The following RBFOX1 variants were observed in gnomAD, a reference collection of about 807,000 sequenced individuals.
RBFOX1 encodes RNA binding protein fox-1 homolog 1.
In RBFOX1, 8 loss-of-function variants were observed where a neutral mutation model predicts 57.7. The observed-to-expected ratio is 0.14, with a 90% CI of 0.08 to 0.25. The LOEUF (loss-of-function observed/expected upper bound fraction) is 0.25, where lower values mean the gene tolerates loss of function less well. RBFOX1 is among the 10% of genes least tolerant of loss of function. RBFOX1 has a pLI of 1.00. For missense variants in RBFOX1, 611 were observed against 548.5 expected (o/e 1.11, Z -1.14); for synonymous variants, 326 against 222.4 (o/e 1.47, Z -4.15).
At chr16:5,877,637 AC>A (rs1408847855) in intron 4 of RBFOX1, among the ~76,000 whole-genome samples, 16 of 152,372 alleles carry the variant, frequency 1.1e-4, no homozygotes, top group African/African-American at 3.6e-4. Flanking sequence ...AGCATCAGTT[AC>A]AGTAGCAGCA....
intron 10 of RBFOX1, among the ~76,000 whole-genome samples, chr16:7,625,117 C>T (rs8052518): frequency 0.29 from 44,299 of 151,834 alleles, 9,545 homozygotes; most frequent in African/African-American, 0.61. Flanking sequence ...GTCATTTATG[C>T]AGCCTGCAAA....
intron 2 of RBFOX1, among the ~76,000 whole-genome samples, chr16:6,653,740 G>A (rs1274082412): frequency 1.3e-5 from 2 of 151,814 alleles, no homozygotes; most frequent in Middle Eastern, 6.8e-3. Flanking sequence ...ATGGATAGAT[G>A]GATGGATGGG....
At chr16:7,035,528 C>G (rs527861715) in intron 3 of RBFOX1, among the ~76,000 whole-genome samples, 1 of 152,296 alleles carries the variant, frequency 6.6e-6, no homozygotes, top group African/African-American at 2.4e-5. Flanking sequence ...TATTTTCCCA[C>G]TCAGTTTCTT....
At chr16:5,358,941 C>T (rs2065467588) in intron 1 of RBFOX1, among the ~76,000 whole-genome samples, 1 of 152,152 alleles carries the variant, frequency 6.6e-6, no homozygotes, top group Non-Finnish European at 1.5e-5. Context: ...ATTATTCCTC[C>T]CCACCTCTCC....
chr16:7,360,630 C>T (rs1183916052), intron 4 of RBFOX1, among the ~76,000 whole-genome samples: 8 of 152,172 alleles, frequency 5.3e-5, no homozygotes, highest in Non-Finnish European at 7.3e-5. Flanking sequence ...AGGAATTATC[C>T]CTCCCTATGA....
intron 3 of RBFOX1, among the ~76,000 whole-genome samples, chr16:6,969,083 G>A (rs1411216066): frequency 6.6e-6 from 1 of 152,078 alleles, no homozygotes; most frequent in Non-Finnish European, 1.5e-5. Flanking sequence ...GCACTTACAG[G>A]AGAGACCTTC....
intron 3 of RBFOX1, among the ~76,000 whole-genome samples, chr16:6,999,387 G>A (rs2092589869): frequency 1.3e-5 from 2 of 150,818 alleles, no homozygotes; most frequent in African/African-American, 2.4e-5. Context: ...AGATTCATTG[G>A]TGGACCAGAG....
chr16:5,324,699 C>T (rs1050160656), intron 1 of RBFOX1, among the ~76,000 whole-genome samples: 5 of 152,124 alleles, frequency 3.3e-5, no homozygotes, highest in African/African-American at 1.2e-4. Context: ...AGCAAACTAA[C>T]ACAAGAATAG....
At position 6,210,361 on chromosome 16, in the gene RBFOX1, CAAA is replaced by C. The variant is rs3064933; in HGVS notation, c.-126-106619_-126-106617del. On this transcript the variant is annotated intron_variant, in intron 1 of 15. Transcript: ENST00000550418. ...ACAAAAAAACAAAAAAAAAAAACAC[CAAA>C]AAAAAAAAAAAAAAGAGAAAGGAAG... Among the ~76,000 whole-genome samples the C allele has an allele frequency of 7.8e-3, 482 of 61,452 alleles. 10 individuals carry two copies. The highest frequency in any genetic ancestry group is 0.021 in the African/African-American group (455 of 21,678). 40.3% of individuals were successfully genotyped at this position (61,452 alleles called of 152,430 possible). A position where few individuals can be genotyped will look rare whatever the true frequency, so the allele number is the denominator to read the frequency against.
intron 4 of RBFOX1, among the ~76,000 whole-genome samples, chr16:7,433,860 A>C (rs536387248): frequency 8.5e-5 from 13 of 152,318 alleles, no homozygotes; most frequent in African/African-American, 3.1e-4. Context: ...GAGTAAGCCA[A>C]ATGACAGGGA....
At chr16:6,751,929 G>A (rs549977304) in intron 3 of RBFOX1, among the ~76,000 whole-genome samples, 2 of 152,220 alleles carry the variant, frequency 1.3e-5, no homozygotes, top group East Asian at 1.9e-4. Context: ...GTGAGTCCAG[G>A]CTTTAACAAA....
intron 3 of RBFOX1, among the ~76,000 whole-genome samples, chr16:5,805,223 G>A (rs557098476): frequency 6.6e-6 from 1 of 152,270 alleles, no homozygotes; most frequent in East Asian, 1.9e-4. Flanking sequence ...CCCTGGAATA[G>A]AGCCTGGATT....
intron 3 of RBFOX1, among the ~76,000 whole-genome samples, chr16:6,771,750 A>T (rs1440707526): frequency 6.6e-6 from 1 of 152,170 alleles, no homozygotes; most frequent in Non-Finnish European, 1.5e-5. Context: ...ATGCTGTTTA[A>T]CATCTCACAA....
intron 4 of RBFOX1, among the ~76,000 whole-genome samples, chr16:7,466,439 G>A (rs1395136130): frequency 6.6e-6 from 1 of 152,204 alleles, no homozygotes; most frequent in African/African-American, 2.4e-5. Context: ...TTAAGGATAA[G>A]AAAAGAGGGG....
chr16:6,891,938 A>T (rs963750973), intron 3 of RBFOX1, among the ~76,000 whole-genome samples: 2 of 152,120 alleles, frequency 1.3e-5, no homozygotes, highest in African/African-American at 4.8e-5. Context: ...CGGTTTTCTG[A>T]GAAGGAGCTG....
chr16:6,482,623 A>G lies in RBFOX1; in HGVS notation c.-64+165566A>G, dbSNP rs547377370. On this transcript the variant is annotated intron_variant, in intron 2 of 15. Transcript: ENST00000550418. ...TCTCCTAAAAGCAGGCTGAAACCTC[A>G]GCGCATTCTCATTTAGTACGTAACG... Among the ~76,000 whole-genome samples, 7 of 152,346 alleles carry G rather than the reference A, an allele frequency of 4.6e-5. No individual in the cohort carries two copies. In the East Asian group the frequency reaches 1.4e-3, roughly 29 times the overall value.
At chr16:6,599,462 C>T (rs1425925265) in intron 2 of RBFOX1, among the ~76,000 whole-genome samples, 1 of 152,040 alleles carries the variant, frequency 6.6e-6, no homozygotes, top group East Asian at 1.9e-4. Flanking sequence ...AACAAGGACG[C>T]TTCAAAAAAA....
intron 13 of RBFOX1, among the ~76,000 whole-genome samples, chr16:7,668,875 A>C (rs2070381396): frequency 6.6e-6 from 1 of 152,168 alleles, no homozygotes; most frequent in Non-Finnish European, 1.5e-5. Flanking sequence ...AGGTTCTTAG[A>C]TCTACAGAGT....
In RBFOX1 at chr16:6,115,333, G is replaced by A. The variant is rs1018474747; in HGVS notation, c.-127+95341G>A. Among the ~76,000 whole-genome samples the A allele has an allele frequency of 3.9e-5, 6 of 152,120 alleles. No homozygotes were observed. In the South Asian group the frequency reaches 8.3e-4, roughly 21 times the overall value. On this transcript the variant is annotated intron_variant, in intron 1 of 15. Coordinates refer to ENST00000550418, the MANE Select transcript of RBFOX1 (RefSeq NM_018723.4). ...AGAATGTAACAAGTACAAATTAAAG[G>A]GCTTGCATAGGATTGCATGCTTTAA...
Sources: gnomAD v4.1 joint callset for allele counts (sites outside exome capture counted in the v4.1 genomes callset) on GRCh38, gnomAD v4.1.1 for gene constraint, MANE v1.5 for transcripts, NCBI Gene and HGNC (gene_info 2026-07-23, HGNC 2026-07-21) for gene names.